Variants in USP6NL observed in about 807,000 individuals in gnomAD.
The protein encoded by USP6NL is USP6 N-terminal-like protein.
In USP6NL, 26 loss-of-function variants were observed where a neutral mutation model predicts 61.9. The ratio of observed to expected loss-of-function variants is 0.42; its 90% CI spans 0.31 to 0.58. The LOEUF (loss-of-function observed/expected upper bound fraction) is 0.58. Among genes scored for constraint, USP6NL ranks in the 20% least tolerant of loss-of-function variants. The pLI is 0.16. For missense variants in USP6NL, 1,114 were observed against 1,034.3 expected, an observed-to-expected ratio of 1.08 and a Z score of -1.06; for synonymous variants, 432 against 390.1, an observed-to-expected ratio of 1.11 and a Z score of -1.27.
chr10:11,515,843 C>CT (rs1340036232), intron 5 of USP6NL, among the ~76,000 whole-genome samples: 1 of 152,122 alleles, frequency 6.6e-6, no homozygotes, highest in Non-Finnish European at 1.5e-5. Context: ...AGAAACGTGT[C>CT]TTTTTACAGA....
chr10:11,530,349 G>A (rs1835606551), intron 2 of USP6NL, among the ~76,000 whole-genome samples: 1 of 152,158 alleles, frequency 6.6e-6, no homozygotes, highest in African/African-American at 2.4e-5. Flanking sequence ...GGCAAGGACT[G>A]GGGTTGAGAG....
intron 2 of USP6NL, among the ~76,000 whole-genome samples, chr10:11,536,142 TAC>T (rs1835823107): frequency 6.6e-6 from 1 of 152,230 alleles, no homozygotes; most frequent in African/African-American, 2.4e-5. Flanking sequence ...AAAGGCTACA[TAC>T]ACCAGCTCTC....
At chr10:11,594,593 T>A (rs868828756) in intron 2 of USP6NL, among the ~76,000 whole-genome samples, 29 of 152,186 alleles carry the variant, frequency 1.9e-4, no homozygotes, top group African/African-American at 4.3e-4. Context: ...GAATGTTCAA[T>A]TCACTAGCAA....
At chr10:11,590,233 C>CA (rs1016829897) in intron 2 of USP6NL, among the ~76,000 whole-genome samples, 1 of 151,404 alleles carries the variant, frequency 6.6e-6, no homozygotes, top group African/African-American at 2.4e-5. Flanking sequence ...TGCCTATCTC[C>CA]AAAAAAAAGT....
intron 2 of USP6NL, among the ~76,000 whole-genome samples, chr10:11,557,372 ATT>A (rs1310627777): frequency 1.3e-5 from 2 of 152,336 alleles, no homozygotes; most frequent in African/African-American, 4.8e-5. Context: ...AGCAATTAGA[ATT>A]TGTTACCATT....
rs111248788 is a variant in USP6NL at position 11,495,868 on chromosome 10, A to C, written c.385-2640T>G. On this transcript the variant is annotated intron_variant, in intron 7 of 14. Transcript: ENST00000609104. The surrounding 1 kb of genome is among the most constrained non-coding windows in gnomAD (Gnocchi z 4.6). ...TTTGTTTAAAAGTGGGACACAAAAA[A>C]GCTGCATGCCTGGGTGAGGCTTCCT... Among the ~76,000 whole-genome samples the C allele has an allele frequency of 8.5e-3, 1,294 of 152,360 alleles. 7 individuals are homozygous for C. Among genetic ancestry groups the C allele is most frequent in the South Asian group, 0.033 (157 of 4,822 alleles).
intron 2 of USP6NL, among the ~76,000 whole-genome samples, chr10:11,536,285 C>T (rs1835829948): frequency 6.6e-6 from 1 of 152,128 alleles, no homozygotes; most frequent in African/African-American, 2.4e-5. Context: ...GGGAGATCAT[C>T]TAGAATCCTA....
intron 2 of USP6NL, among the ~76,000 whole-genome samples, chr10:11,578,606 T>C (rs191647971): frequency 4.7e-5 from 7 of 149,728 alleles, no homozygotes; most frequent in Admixed American, 4.1e-4. Context: ...TGAGACTCTA[T>C]CTCTAAAAAA....
chr10:11,510,429 C>G lies in USP6NL; in HGVS notation c.196-754G>C, dbSNP rs1344954919. On this transcript the variant is annotated intron_variant, in intron 5 of 14. Transcript: ENST00000609104. The surrounding 1 kb of genome is among the most constrained non-coding windows in gnomAD (Gnocchi z 4.8). ...CTTGAGAATGCATGTATTTCTGAGA[C>G]AGCAGGGGCCGACAGCAGCTCCAAA... 6.6e-6 allele frequency among the ~76,000 whole-genome samples: 1 copy of G among 152,030 alleles called. No homozygotes were observed. The highest frequency in any genetic ancestry group is 1.9e-4 in the East Asian group (1 of 5,192).
intron 6 of USP6NL, among the ~76,000 whole-genome samples, 168 bp downstream of exon 6, chr10:11,509,427 G>C (rs117733091): frequency 1.3e-5 from 2 of 152,226 alleles, no homozygotes; most frequent in East Asian, 3.9e-4. Context: ...CGGGTATTAC[G>C]TTACTTACAA....
At chr10:11,486,722 ACAT>A in intron 10 of USP6NL, among the ~76,000 whole-genome samples, 2 of 152,310 alleles carry the variant, frequency 1.3e-5, no homozygotes, top group South Asian at 4.1e-4. Flanking sequence ...GGACACATTT[ACAT>A]CCTTCTTAGA....
At position 11,575,484 on chromosome 10, in the gene USP6NL, A is replaced by G. The variant is rs1229963778; in HGVS notation, c.4+22147T>C. On this transcript the variant is annotated intron_variant, in intron 2 of 14. Coordinates refer to ENST00000609104, the MANE Select transcript of USP6NL (RefSeq NM_014688.5). This position sits in a 1 kb window ranked among gnomAD's most constrained non-coding sequence, Gnocchi z 4.2. ...TCTTTCTCTTTCTGCAAGGAAGGAG[A>G]TAAGCAGGACATTAACCTCTCAGTC... 6.6e-6 allele frequency among the ~76,000 whole-genome samples: 1 copy of G among 152,186 alleles called. No individual in the cohort carries two copies. The highest frequency in any genetic ancestry group is 1.5e-5 in the Non-Finnish European group (1 of 68,026).
rs980328302 is a variant in USP6NL, at chr10:11,470,485, T to C, written c.1079-6636A>G. Among the ~76,000 whole-genome samples the C allele has an allele frequency of 2.0e-5, 3 of 152,190 alleles. No homozygotes were observed. Among genetic ancestry groups the C allele is most frequent in the Non-Finnish European group, 4.4e-5 (3 of 68,026 alleles). On this transcript the variant is annotated intron_variant, in intron 14 of 14. Transcript: ENST00000609104. This position sits in a 1 kb window ranked among gnomAD's most constrained non-coding sequence, Gnocchi z 5.4. ...CTGAAAACACATCATGCAGACCCTG[T>C]AAGAAGGACGAATGCCATCACCAGT...
chr10:11,582,060 C>A (rs1588409748), intron 2 of USP6NL, among the ~76,000 whole-genome samples: 1 of 151,932 alleles, frequency 6.6e-6, no homozygotes, highest in African/African-American at 2.4e-5. Context: ...CACCTCCCGG[C>A]TTCAAGCGAT....
chr10:11,466,574 A>G, intron 14 of USP6NL, among the ~76,000 whole-genome samples: 1 of 152,244 alleles, frequency 6.6e-6, no homozygotes, highest in Non-Finnish European at 1.5e-5. Flanking sequence ...AGAAAAACCT[A>G]GCATATTTCC....
At chr10:11,604,536 T>C (rs921546816) in intron 1 of USP6NL, among the ~76,000 whole-genome samples, 50 of 152,178 alleles carry the variant, frequency 3.3e-4, no homozygotes, top group African/African-American at 1.2e-3. Context: ...TGAGGGCAAA[T>C]CATCAACCTT....
At position 11,481,574 on chromosome 10, in the gene USP6NL, T is replaced by C. The variant is rs568561673; in HGVS notation, c.1078+196A>G. ...ACAGTCATCTATTAGGAGAGGCAGA[T>C]TTAATTAATATGTTTATTTGCCTTT... On this transcript the variant is annotated intron_variant, in intron 14 of 14. Coordinates refer to ENST00000609104, the MANE Select transcript of USP6NL (RefSeq NM_014688.5). This position sits in a 1 kb window ranked among gnomAD's most constrained non-coding sequence, Gnocchi z 4.4. 7.2e-5 allele frequency among the ~76,000 whole-genome samples: 11 copies of C among 152,204 alleles called. No individual in the cohort carries two copies. The highest frequency in any genetic ancestry group is 1.5e-4 in the Non-Finnish European group (10 of 68,038).
At chr10:11,583,211 C>T (rs1017321381) in intron 2 of USP6NL, among the ~76,000 whole-genome samples, 9 of 139,966 alleles carry the variant, frequency 6.4e-5, no homozygotes, top group Admixed American at 1.5e-4. Flanking sequence ...TTCCCTGAGA[C>T]GGAGTCTCGC....
intron 4 of USP6NL, among the ~76,000 whole-genome samples, chr10:11,521,672 G>A (rs1051882459): frequency 2.6e-5 from 4 of 152,058 alleles, no homozygotes; most frequent in Non-Finnish European, 5.9e-5. Context: ...AAGCCACCGC[G>A]CCCGGCCAAT....
Sources: allele counts gnomAD v4.1 joint callset (sites outside exome capture counted in the v4.1 genomes callset), GRCh38; gene constraint gnomAD v4.1.1; non-coding constraint Gnocchi (gnomAD v3.1); transcripts MANE v1.5; gene names NCBI Gene and HGNC (gene_info 2026-07-23, HGNC 2026-07-21).